The following LARP4 variants were observed in gnomAD, a reference collection of about 807,000 sequenced individuals.
LARP4 encodes La ribonucleoprotein 4.
Under a neutral mutation model 92.9 loss-of-function variants are expected in LARP4, and 29 were observed. That is an observed-to-expected ratio of 0.31 (90% CI 0.23 to 0.43). The LOEUF (loss-of-function observed/expected upper bound fraction) is 0.43, where lower values mean the gene tolerates loss of function less well. LARP4 is among the 20% of genes least tolerant of loss of function. The pLI is 1.00. For missense variants in LARP4, 732 were observed against 860.0 expected (o/e 0.85, Z 1.86); for synonymous variants, 279 against 284.1 (o/e 0.98, Z 0.18).
Position 50,453,508 on chromosome 12 carries a change from T to C in LARP4, c.853T>C (p.Leu285=), listed in dbSNP as rs1316530275. Residue 285 remains leucine (L), a synonymous_variant, in exon 9 of 16, where the codon TTA becomes CTA. Coordinates refer to ENST00000398473, the MANE Select transcript of LARP4 (RefSeq NM_052879.5). The part of the protein sequence containing the change: ...NTFFAKNGYR[L]MDSSIYSHPI... ...ATTTTTTGCTAAGAATGGTTATCGATTAATGGATTCTAGTATCTATAGTCA... is the reference window on the plus strand; with the variant it reads ...ATTTTTTGCTAAGAATGGTTATCGACTAATGGATTCTAGTATCTATAGTCA... The C allele has an allele frequency of 6.2e-6, 10 of 1,613,250 alleles. No individual in the cohort carries two copies. The highest frequency in any genetic ancestry group is 1.3e-5 in the African/African-American group (1 of 74,892).
intron 1 of LARP4, among the ~76,000 whole-genome samples, chr12:50,409,852 G>A (rs1368897919): frequency 1.3e-5 from 2 of 151,328 alleles, no homozygotes; most frequent in Admixed American, 6.6e-5. Context: ...AGGCTGGAGC[G>A]ATCTTGACTC....
chr12:50,445,969 T>C (rs568293248), intron 8 of LARP4, among the ~76,000 whole-genome samples: 1 of 151,854 alleles, frequency 6.6e-6, no homozygotes, highest in African/African-American at 2.4e-5. Flanking sequence ...CCCTGAAATA[T>C]TTCTTTCATT....
chr12:50,441,143 G>A (rs1951148247), intron 7 of LARP4, among the ~76,000 whole-genome samples: 1 of 152,064 alleles, frequency 6.6e-6, no homozygotes, highest in Non-Finnish European at 1.5e-5. Context: ...TCAGCCTTCC[G>A]AAGTGCTGGG....
chr12:50,430,196 AAAAAAT>A (rs1447412596), intron 3 of LARP4, among the ~76,000 whole-genome samples: 1 of 152,134 alleles, frequency 6.6e-6, no homozygotes, highest in African/African-American at 2.4e-5. Context: ...TGTCTCTACA[AAAAAAT>A]AAAAATAAAA....
chr12:50,415,876 T>G (rs887889209), intron 1 of LARP4: 3 of 144,726 alleles, frequency 2.1e-5, no homozygotes, highest in Admixed American at 6.9e-5. Flanking sequence ...TTTGTTGTTG[T>G]TTTTTTTTTT....
At chr12:50,404,967 CGTGAGCCACCACA>C (rs1227782897) in intron 1 of LARP4, among the ~76,000 whole-genome samples, 1 of 151,652 alleles carries the variant, frequency 6.6e-6, no homozygotes, top group Non-Finnish European at 1.5e-5. Flanking sequence ...GAATTACAGG[CGTGAGCCACCACA>C]CCTGGCGGGT....
intron 12 of LARP4, 51 bp from the exon 13 acceptor site, chr12:50,466,908 A>G: frequency 1.9e-6 from 3 of 1,546,982 alleles, no homozygotes; most frequent in Non-Finnish European, 2.7e-6. Context: ...GTGACACAGG[A>G]TTAGGGAATG....
At chr12:50,440,974 C>G (rs1951118251) in intron 7 of LARP4, among the ~76,000 whole-genome samples, 1 of 151,582 alleles carries the variant, frequency 6.6e-6, no homozygotes. Context: ...ACCTCCACCT[C>G]CTGGGTTCAA....
At chr12:50,431,843 TCAAAAACAAGGAAA>T (rs1949705296) in intron 4 of LARP4, among the ~76,000 whole-genome samples, 1 of 151,702 alleles carries the variant, frequency 6.6e-6, no homozygotes, top group African/African-American at 2.4e-5. Context: ...AAATTCCACC[TCAAAAACAAGGAAA>T]CAAAAACATT....
rs545700909 is a variant in LARP4, at chr12:50,424,563, G to C, written c.19-3199G>C. Reference sequence around the variant, plus strand: ...AGTAGAGACAGGGTTTCTCCATGTTGGTCAGGCTGGTCTCGAACTCCCGAC... The same window carrying C: ...AGTAGAGACAGGGTTTCTCCATGTTCGTCAGGCTGGTCTCGAACTCCCGAC... On this transcript the variant is annotated intron_variant, in intron 1 of 15. Coordinates refer to ENST00000398473, the MANE Select transcript of LARP4 (RefSeq NM_052879.5). Among the ~76,000 whole-genome samples, 98 of 151,948 alleles carry C rather than the reference G, an allele frequency of 6.4e-4. 2 individuals are homozygous for C. The highest frequency in any genetic ancestry group is 6.8e-3 in the Middle Eastern group (2 of 294).
chr12:50,423,767 T>G (rs1948256854), intron 1 of LARP4, among the ~76,000 whole-genome samples: 1 of 151,420 alleles, frequency 6.6e-6, no homozygotes, highest in South Asian at 2.1e-4. Context: ...TTTTTTTTTT[T>G]TTAGACGGAG....
At chr12:50,409,882 A>G (rs1945535015) in intron 1 of LARP4, among the ~76,000 whole-genome samples, 1 of 151,740 alleles carries the variant, frequency 6.6e-6, no homozygotes, top group African/African-American at 2.4e-5. Flanking sequence ...TCCGCCTCCC[A>G]GGTTCAGGCG....
intron 3 of LARP4, among the ~76,000 whole-genome samples, chr12:50,430,040 ATTAG>A (rs1437720997): frequency 3.3e-5 from 5 of 152,194 alleles, no homozygotes; most frequent in African/African-American, 7.2e-5. Context: ...ATTGACAGAA[ATTAG>A]TTAGACTTTG....
chr12:50,418,030 T>C (rs759893438), intron 1 of LARP4, among the ~76,000 whole-genome samples: 49 of 152,176 alleles, frequency 3.2e-4, no homozygotes, highest in Non-Finnish European at 5.7e-4. Flanking sequence ...CCGGCTAATT[T>C]TTGTATTTTT....
chr12:50,432,969 G>A (rs574857455), intron 4 of LARP4, among the ~76,000 whole-genome samples: 1 of 151,572 alleles, frequency 6.6e-6, no homozygotes, highest in South Asian at 2.1e-4. Context: ...AGATTTTACT[G>A]TCTTTTCAGC....
rs1957695675 is a variant in LARP4, at chr12:50,478,666, AG to A, written c.*2803del. On this transcript the variant is annotated 3_prime_UTR_variant, in exon 16 of 16. Coordinates refer to ENST00000398473, the MANE Select transcript of LARP4 (RefSeq NM_052879.5). ...TAGTTCTTACTGCATGAAGAGAACA[AG>A]AGTCACACAAGTTCACCACTTTGCA... The A allele has an allele frequency of 6.6e-6, 1 of 152,158 alleles. No individual in the cohort carries two copies. Among genetic ancestry groups the A allele is most frequent in the African/African-American group, 2.4e-5 (1 of 41,458 alleles). 9.4% of individuals were successfully genotyped at this position (152,158 alleles called of 1,614,324 possible). A position where few individuals can be genotyped will look rare whatever the true frequency, so the allele number is the denominator to read the frequency against.
Position 50,477,433 on chromosome 12 carries a change from CTG to C in LARP4, c.*1571_*1572del, listed in dbSNP as rs1206835739. The C allele has an allele frequency of 1.3e-5, 2 of 152,440 alleles. No individual in the cohort carries two copies. Among genetic ancestry groups the C allele is most frequent in the Non-Finnish European group, 2.9e-5 (2 of 67,978 alleles). 9.4% of individuals were successfully genotyped at this position (152,440 alleles called of 1,614,324 possible). ...TAAATTACATATGTACAAATTGAAA[CTG>C]TAAATTGTGAACACTGGAAAGCACC... is the stretch of plus-strand genomic sequence containing the variant. On this transcript the variant is annotated 3_prime_UTR_variant, in exon 16 of 16. Transcript: ENST00000398473.
intron 1 of LARP4, among the ~76,000 whole-genome samples, chr12:50,417,387 GAAAAA>G (rs544101845): frequency 6.6e-6 from 1 of 150,510 alleles, no homozygotes; most frequent in African/African-American, 2.4e-5. Context: ...AAAAAAAAAA[GAAAAA>G]AAAGAAAATT....
At chr12:50,436,142 T>A in intron 5 of LARP4, among the ~76,000 whole-genome samples, 1 of 137,352 alleles carries the variant, frequency 7.3e-6, no homozygotes, top group African/African-American at 2.8e-5. Flanking sequence ...TGTGTGTGTA[T>A]ATATCCCGCT....
Sources: gnomAD v4.1 joint callset for allele counts (sites outside exome capture counted in the v4.1 genomes callset) on GRCh38, gnomAD v4.1.1 for gene constraint, MANE v1.5 for transcripts, NCBI Gene and HGNC (gene_info 2026-07-23, HGNC 2026-07-21) for gene names.